Variants in XYLT1 observed in about 807,000 individuals in gnomAD.
XYLT1 encodes xylosyltransferase 1.
Under a neutral mutation model 91.3 loss-of-function variants are expected in XYLT1, and 36 were observed. The observed-to-expected ratio is 0.39, with a 90% CI of 0.30 to 0.52. The LOEUF (loss-of-function observed/expected upper bound fraction) is 0.52. Ranked by LOEUF, XYLT1 falls within the 20% of genes least tolerant of loss-of-function variation. The pLI, the probability that XYLT1 is intolerant of heterozygous loss-of-function variation, is 0.68. For synonymous variants in XYLT1, 588 were observed against 532.0 expected (o/e 1.11, Z -1.45); for missense variants, 1,242 against 1,284.5 (o/e 0.97, Z 0.51).
intron 6 of XYLT1, among the ~76,000 whole-genome samples, chr16:17,150,250 C>G (rs939574106): frequency 6.6e-6 from 1 of 152,128 alleles, no homozygotes; most frequent in Non-Finnish European, 1.5e-5. Flanking sequence ...TCTCTCAGGC[C>G]CACGGTAGGC....
In XYLT1 at chr16:17,224,793, A is replaced by G. The variant is rs78596131; in HGVS notation, c.914-24139T>C. Among the ~76,000 whole-genome samples, 135 of 152,328 alleles carry G rather than the reference A, an allele frequency of 8.9e-4. No individual in the cohort carries two copies. In the East Asian group the frequency reaches 0.011, roughly 12 times the overall value. Reference sequence around the variant, plus strand: ...CTCAGCCTCTCTTGTAGCGAGGTGCATGAGGCTCTCCCTAGATTTTAAGAC... The same window carrying G: ...CTCAGCCTCTCTTGTAGCGAGGTGCGTGAGGCTCTCCCTAGATTTTAAGAC... On this transcript the variant is annotated intron_variant, in intron 3 of 11. Transcript: ENST00000261381.
intron 2 of XYLT1, among the ~76,000 whole-genome samples, chr16:17,353,575 TA>T (rs1481880767): frequency 2.0e-5 from 3 of 152,222 alleles, no homozygotes; most frequent in Non-Finnish European, 4.4e-5. Context: ...TAAACCATTT[TA>T]CCCCCAAGCC....
At chr16:17,402,053 C>A (rs2035975273) in intron 1 of XYLT1, among the ~76,000 whole-genome samples, 1 of 151,950 alleles carries the variant, frequency 6.6e-6, no homozygotes, top group African/African-American at 2.4e-5. Context: ...AATCCCAACA[C>A]TTCGGGAGGC....
Position 17,463,185 on chromosome 16 carries a change from A to G in XYLT1, c.363+7249T>C, listed in dbSNP as rs145432120. The stretch of plus-strand genomic sequence containing the variant: ...CGCTGAGCAAGAATTTTTTTTGGGT[A>G]AGACCACAAAAGCACAGGCAACAAA... On this transcript the variant is annotated intron_variant, in intron 1 of 11. Transcript: ENST00000261381. Among the ~76,000 whole-genome samples, 28 of 152,312 alleles carry G rather than the reference A, an allele frequency of 1.8e-4. No homozygotes were observed. In the Middle Eastern group the frequency reaches 0.014, roughly 74 times the overall value.
At chr16:17,432,161 C>T (rs752669566) in intron 1 of XYLT1, among the ~76,000 whole-genome samples, 22 of 152,272 alleles carry the variant, frequency 1.4e-4, no homozygotes, top group African/African-American at 2.4e-4. Flanking sequence ...GACACTTCAA[C>T]GATTTCTTAA....
At chr16:17,228,726 C>G (rs1214066260) in intron 3 of XYLT1, among the ~76,000 whole-genome samples, 1 of 152,196 alleles carries the variant, frequency 6.6e-6, no homozygotes, top group Non-Finnish European at 1.5e-5. Context: ...TGACAACTGT[C>G]TGTCTGGTGG....
rs181415681 is a variant in XYLT1 at position 17,239,801 on chromosome 16, C to T, written c.913+19187G>A. On this transcript the variant is annotated intron_variant, in intron 3 of 11. Transcript: ENST00000261381. ...CAACCACCCACTCGCTCAGCCAGTC[C>T]ATTCATCCATCCTTTCATCTGTCTG... Among the ~76,000 whole-genome samples, 8 of 152,256 alleles carry T rather than the reference C, an allele frequency of 5.3e-5. No individual in the cohort carries two copies. In the East Asian group the frequency reaches 1.4e-3, roughly 26 times the overall value.
At chr16:17,215,683 G>A (rs2032843061) in intron 3 of XYLT1, among the ~76,000 whole-genome samples, 1 of 152,190 alleles carries the variant, frequency 6.6e-6, no homozygotes, top group Non-Finnish European at 1.5e-5. Flanking sequence ...GACAGGTTGA[G>A]TGAGGAGTTA....
chr16:17,119,417 A>G (rs1597131767), intron 10 of XYLT1, among the ~76,000 whole-genome samples: 1 of 152,246 alleles, frequency 6.6e-6, no homozygotes, highest in Admixed American at 6.5e-5. Flanking sequence ...TGAAGCTTGC[A>G]CTGCCTCTGC....
At chr16:17,176,583 C>G (rs1170563938) in intron 5 of XYLT1, among the ~76,000 whole-genome samples, 1 of 152,212 alleles carries the variant, frequency 6.6e-6, no homozygotes. Flanking sequence ...TGCCGACTAG[C>G]AGAAGGAGGT....
intron 1 of XYLT1, among the ~76,000 whole-genome samples, chr16:17,425,586 A>G (rs992099296): frequency 3.3e-5 from 5 of 152,232 alleles, no homozygotes; most frequent in African/African-American, 1.2e-4. Flanking sequence ...ACCCAAGCCC[A>G]TATTTCAGGA....
At chr16:17,136,516 G>A (rs1402831749) in intron 8 of XYLT1, among the ~76,000 whole-genome samples, 1 of 152,134 alleles carries the variant, frequency 6.6e-6, no homozygotes, top group African/African-American at 2.4e-5. Context: ...CAAACTCTCT[G>A]GGCCTCAGCA....
chr16:17,469,694 G>A (rs2036952605), intron 1 of XYLT1, among the ~76,000 whole-genome samples: 1 of 152,174 alleles, frequency 6.6e-6, no homozygotes, highest in African/African-American at 2.4e-5. Context: ...CACACAGCTG[G>A]TGACCTGAAC....
intron 1 of XYLT1, chr16:17,446,074 C>T (rs1190653061): frequency 6.6e-6 from 1 of 152,124 alleles, no homozygotes; most frequent in Non-Finnish European, 1.5e-5. Context: ...TAGAAAAGCT[C>T]GTCAGGCTTG....
intron 2 of XYLT1, among the ~76,000 whole-genome samples, chr16:17,274,513 G>A (rs1344249099): frequency 6.6e-6 from 1 of 152,090 alleles, no homozygotes; most frequent in Non-Finnish European, 1.5e-5. Context: ...TGCTGTTGGT[G>A]GAATTCTGAG....
intron 2 of XYLT1, among the ~76,000 whole-genome samples, chr16:17,327,174 A>C (rs2034817640): frequency 6.6e-6 from 1 of 152,206 alleles, no homozygotes; most frequent in Non-Finnish European, 1.5e-5. Context: ...CCTTGAACAC[A>C]TTGAATACAT....
At position 17,253,863 on chromosome 16, in the gene XYLT1, C is replaced by A. The variant is rs868801774; in HGVS notation, c.913+5125G>T. On this transcript the variant is annotated intron_variant, in intron 3 of 11. Transcript: ENST00000261381. ...GAGAGAGAGAGAGAGAGAGAGAGAG[C>A]GAGCCTGCAGGTGGAAGAACACCTC... is the stretch of plus-strand genomic sequence containing the variant. 1.1e-3 allele frequency among the ~76,000 whole-genome samples: 136 copies of A among 128,828 alleles called. 1 individual carries two copies. The highest frequency in any genetic ancestry group is 7.6e-3 in the Middle Eastern group (2 of 262). The allele number at this position is 128,828 out of a possible 152,430, so 84.5% of individuals were successfully genotyped here.
intron 2 of XYLT1, among the ~76,000 whole-genome samples, chr16:17,354,263 T>C (rs1322153947): frequency 1.3e-5 from 2 of 152,190 alleles, no homozygotes; most frequent in Admixed American, 6.5e-5. Flanking sequence ...TTCCTCGGCT[T>C]CCTCATTCTA....
At chr16:17,324,707 C>T (rs1049393873) in intron 2 of XYLT1, among the ~76,000 whole-genome samples, 1 of 152,170 alleles carries the variant, frequency 6.6e-6, no homozygotes, top group Non-Finnish European at 1.5e-5. Context: ...TGGGAATAAA[C>T]ATAATCAGAT....
Sources: allele counts gnomAD v4.1 joint callset (sites outside exome capture counted in the v4.1 genomes callset), GRCh38; gene constraint gnomAD v4.1.1; transcripts MANE v1.5; gene names NCBI Gene and HGNC (gene_info 2026-07-23, HGNC 2026-07-21).